CHODL: variants seen among roughly 807,000 people sequenced by gnomAD.
The protein encoded by CHODL is transmembrane protein MT75.
CHODL carries 29 observed loss-of-function variants against 34.5 expected under a neutral mutation model. The ratio of observed to expected loss-of-function variants is 0.84; its 90% CI spans 0.63 to 1.15. The LOEUF is 1.15. Ranked by LOEUF, CHODL falls within the 50% of genes most tolerant of loss-of-function variation. The probability of loss-of-function intolerance (pLI) is 0.00; values close to 1 mark genes in which losing one functional copy is unlikely to be tolerated. For missense variants in CHODL, 332 were observed against 332.5 expected (o/e 1.00, Z 0.01); for synonymous variants, 125 against 116.1 (o/e 1.08, Z -0.49).
At chr21:17,998,091 G>T (rs1465660602) in intron 1 of CHODL, among the ~76,000 whole-genome samples, 2 of 152,178 alleles carry the variant, frequency 1.3e-5, no homozygotes, top group Non-Finnish European at 2.9e-5. Flanking sequence ...GATACAATGG[G>T]AGTACAGGTA....
intron 2 of CHODL, among the ~76,000 whole-genome samples, chr21:18,151,987 T>C (rs1004382362): frequency 1.4e-5 from 1 of 70,798 alleles, no homozygotes; most frequent in African/African-American, 5.4e-5. Context: ...TGTATATAAC[T>C]CTGTGTGTGT....
At chr21:18,077,113 AGAG>A (rs1177938718) in intron 2 of CHODL, among the ~76,000 whole-genome samples, 1 of 152,200 alleles carries the variant, frequency 6.6e-6, no homozygotes, top group Non-Finnish European at 1.5e-5. Context: ...CATGGAGGGT[AGAG>A]CATTAAGTCA....
intron 2 of CHODL, among the ~76,000 whole-genome samples, chr21:18,093,545 G>C (rs2065100222): frequency 6.6e-6 from 1 of 152,078 alleles, no homozygotes; most frequent in Admixed American, 6.5e-5. Flanking sequence ...TAAGTAGACA[G>C]TACAATGAGA....
At chr21:18,146,134 ATT>A (rs574946951) in intron 2 of CHODL, among the ~76,000 whole-genome samples, 19 of 139,524 alleles carry the variant, frequency 1.4e-4, no homozygotes, top group Non-Finnish European at 1.5e-4. Flanking sequence ...CGCCCGGTTA[ATT>A]TTTTTTTTTT....
intron 2 of CHODL, among the ~76,000 whole-genome samples, chr21:18,165,385 T>C (rs2073140230): frequency 6.6e-6 from 1 of 152,254 alleles, no homozygotes; most frequent in Non-Finnish European, 1.5e-5. Flanking sequence ...CCTTTTAATC[T>C]TTAAAATGTT....
At chr21:17,979,929 G>A (rs2146373812) in intron 1 of CHODL, among the ~76,000 whole-genome samples, 1 of 152,272 alleles carries the variant, frequency 6.6e-6, no homozygotes, top group African/African-American at 2.4e-5. Flanking sequence ...TCATCGTGAT[G>A]TCAGGGGTGC....
At chr21:18,115,461 G>A (rs933114988) in intron 2 of CHODL, among the ~76,000 whole-genome samples, 2 of 152,136 alleles carry the variant, frequency 1.3e-5, no homozygotes, top group Non-Finnish European at 2.9e-5. Flanking sequence ...GAATCTCTCT[G>A]CCCTCCCTTC....
At chr21:18,166,562 A>G (rs765695517) in intron 2 of CHODL, among the ~76,000 whole-genome samples, 1 of 152,168 alleles carries the variant, frequency 6.6e-6, no homozygotes, top group African/African-American at 2.4e-5. Flanking sequence ...ACATTTCTCC[A>G]TTAAACAATG....
At chr21:18,038,771 T>TA (rs776334286) in intron 2 of CHODL, among the ~76,000 whole-genome samples, 12 of 151,774 alleles carry the variant, frequency 7.9e-5, no homozygotes, top group Non-Finnish European at 1.6e-4. Flanking sequence ...TCTGTATCAT[T>TA]AAAAATCAAG....
At chr21:18,083,393 G>A (rs2064965520) in intron 2 of CHODL, among the ~76,000 whole-genome samples, 2 of 152,208 alleles carry the variant, frequency 1.3e-5, no homozygotes, top group Admixed American at 6.5e-5. Flanking sequence ...ATGAAAATGT[G>A]GGGTTAAAGC....
intron 2 of CHODL, among the ~76,000 whole-genome samples, chr21:18,233,727 G>A (rs1427250541): frequency 6.6e-6 from 1 of 152,034 alleles, no homozygotes; most frequent in East Asian, 1.9e-4. Flanking sequence ...TGGTTAGGCT[G>A]CTTCTGGTAA....
In CHODL at chr21:18,039,273, G is replaced by T. The variant is rs548356275; in HGVS notation, c.-45+11302G>T. ...TAAGTTTGCTATTCTAATATTTTAAGAAGAAATCTATTTTGATTGTTCATG... is the reference window on the plus strand; with the variant it reads ...TAAGTTTGCTATTCTAATATTTTAATAAGAAATCTATTTTGATTGTTCATG... On this transcript the variant is annotated intron_variant, in intron 2 of 6. Transcript: ENST00000400127. Among the ~76,000 whole-genome samples, 35 of 151,784 alleles carry T rather than the reference G, an allele frequency of 2.3e-4. 1 individual carries two copies. In the South Asian group the frequency reaches 7.3e-3, roughly 32 times the overall value.
intron 1 of CHODL, among the ~76,000 whole-genome samples, chr21:18,023,968 G>A (rs1249531545): frequency 1.3e-5 from 2 of 152,188 alleles, no homozygotes; most frequent in African/African-American, 4.8e-5. Context: ...GCAAGAGACA[G>A]TCCCCCTATG....
chr21:18,212,701 A>G (rs1199390074), intron 2 of CHODL, among the ~76,000 whole-genome samples: 2 of 152,152 alleles, frequency 1.3e-5, no homozygotes, highest in Admixed American at 1.3e-4. Flanking sequence ...GAAAAGTTTT[A>G]TAGAAAGCTT....
intron 2 of CHODL, among the ~76,000 whole-genome samples, chr21:18,128,447 A>C (rs2072609198): frequency 6.6e-6 from 1 of 152,016 alleles, no homozygotes; most frequent in Non-Finnish European, 1.5e-5. Flanking sequence ...AGCAAAGGTA[A>C]CCTCAAAAGC....
At chr21:18,252,323 CAG>C (rs1422176239) in intron 1 of CHODL, among the ~76,000 whole-genome samples, 1 of 152,114 alleles carries the variant, frequency 6.6e-6, no homozygotes, top group Non-Finnish European at 1.5e-5. Context: ...AAATAAGAGA[CAG>C]AGAAATTCTC....
Position 17,945,333 on chromosome 21 carries a change from CAGAT to C in CHODL, c.-145+27938_-145+27941del, listed in dbSNP as rs138816318. Reference sequence around the variant, plus strand: ...AAGTTTATTGAATTACAAAAATACACAGATAGATTTCTAAAATTTCTAAAATTTG... The same window carrying C: ...AAGTTTATTGAATTACAAAAATACACAGATTTCTAAAATTTCTAAAATTTG... On this transcript the variant is annotated intron_variant, in intron 1 of 6. Transcript: ENST00000400127. Among the ~76,000 whole-genome samples, 272 of 151,150 alleles carry C rather than the reference CAGAT, an allele frequency of 1.8e-3. 2 individuals carry two copies. Among genetic ancestry groups the C allele is most frequent in the African/African-American group, 5.9e-3 (244 of 41,192 alleles).
chr21:18,225,178 C>T (rs908345334), intron 2 of CHODL, among the ~76,000 whole-genome samples: 1 of 152,094 alleles, frequency 6.6e-6, no homozygotes, highest in Non-Finnish European at 1.5e-5. Flanking sequence ...TGTGTTATTA[C>T]ATAAAATAGC....
At chr21:18,056,669 C>A (rs1319547360) in intron 2 of CHODL, among the ~76,000 whole-genome samples, 1 of 151,924 alleles carries the variant, frequency 6.6e-6, no homozygotes, top group African/African-American at 2.4e-5. Context: ...TTTTTCATCT[C>A]TTTAACTTCT....
Sources: gnomAD v4.1 joint callset for allele counts (sites outside exome capture counted in the v4.1 genomes callset) on GRCh38, gnomAD v4.1.1 for gene constraint, MANE v1.5 for transcripts, NCBI Gene and HGNC (gene_info 2026-07-23, HGNC 2026-07-21) for gene names.